Variants in NPAS3 observed in about 807,000 individuals in gnomAD.
NPAS3 encodes the protein neuronal PAS domain protein 3.
NPAS3 carries 14 observed loss-of-function variants against 73.1 expected under a neutral mutation model. That is an observed-to-expected ratio of 0.19 (90% CI 0.13 to 0.30). The LOEUF is 0.30. Ranked by LOEUF, NPAS3 falls within the 10% of genes least tolerant of loss-of-function variation. NPAS3 has a pLI of 1.00. For synonymous variants in NPAS3, 620 were observed against 541.5 expected, an observed-to-expected ratio of 1.14 and a Z score of -2.01; for missense variants, 1,096 against 1,250.0, an observed-to-expected ratio of 0.88 and a Z score of 1.86.
chr14:33,652,826 A>G (rs1011306141), intron 5 of NPAS3, among the ~76,000 whole-genome samples: 2 of 152,160 alleles, frequency 1.3e-5, no homozygotes, highest in Admixed American at 6.5e-5. Flanking sequence ...CCATTTATAG[A>G]TTTAGATGCA....
intron 2 of NPAS3, among the ~76,000 whole-genome samples, chr14:33,173,505 T>C (rs899041915): frequency 6.6e-6 from 1 of 152,078 alleles, no homozygotes; most frequent in East Asian, 1.9e-4. Context: ...GTTTATTTTT[T>C]AAAAAAAACT....
chr14:33,120,375 A>T (rs2043194828), intron 2 of NPAS3, among the ~76,000 whole-genome samples: 1 of 152,140 alleles, frequency 6.6e-6, no homozygotes, highest in African/African-American at 2.4e-5. Flanking sequence ...TGCTTACAAG[A>T]TGGATACTCT....
intron 5 of NPAS3, among the ~76,000 whole-genome samples, chr14:33,602,419 GCTT>G (rs1385903898): frequency 6.6e-6 from 1 of 152,166 alleles, no homozygotes; most frequent in Non-Finnish European, 1.5e-5. Flanking sequence ...AAGTCTGAGT[GCTT>G]CTGTGCACTG....
In NPAS3 at chr14:32,979,584, C is replaced by G. The variant is rs193145855; in HGVS notation, c.50+40218C>G. 3.2e-4 allele frequency among the ~76,000 whole-genome samples: 48 copies of G among 152,184 alleles called. 1 individual carries two copies. The highest frequency in any genetic ancestry group is 2.9e-3 in the Admixed American group (44 of 15,276). On this transcript the variant is annotated intron_variant, in intron 1 of 11. Coordinates refer to ENST00000356141, the Ensembl canonical transcript of NPAS3. ...CAAACTCTAAGTCCATTTAAAAGGG[C>G]CATACACATATGTGGGCCATGATTG...
At chr14:33,161,123 G>A (rs1447550591) in intron 2 of NPAS3, among the ~76,000 whole-genome samples, 10 of 152,044 alleles carry the variant, frequency 6.6e-5, no homozygotes, top group African/African-American at 2.4e-4. Flanking sequence ...GAAAGCATGG[G>A]GATATTAAGT....
chr14:33,354,951 A>G (rs531463150), intron 3 of NPAS3, among the ~76,000 whole-genome samples: 1 of 152,278 alleles, frequency 6.6e-6, no homozygotes, highest in East Asian at 1.9e-4. Flanking sequence ...ACCGTGCCTC[A>G]GGTGATATAG....
intron 2 of NPAS3, among the ~76,000 whole-genome samples, chr14:33,102,733 A>C (rs2042612991): frequency 6.6e-6 from 1 of 152,176 alleles, no homozygotes; most frequent in African/African-American, 2.4e-5. Flanking sequence ...GAAGACACTG[A>C]CTATGTGAAC....
chr14:32,979,743 G>A (rs956766740), intron 1 of NPAS3, among the ~76,000 whole-genome samples: 2 of 152,008 alleles, frequency 1.3e-5, no homozygotes, highest in Non-Finnish European at 2.9e-5. Context: ...CTTTGGTTTT[G>A]AAATTTTCAC....
chr14:33,800,788 C>A lies in NPAS3; in HGVS notation c.2481C>A (p.Gly827=). ...CCGCGCAGAGGGTCTACACCACGGG[C>A]ACCATCCGCTACGCGCCCGCCGAGG... Residue 827 remains glycine (G), a synonymous_variant, in exon 12 of 12, where the codon GGC becomes GGA. Coordinates refer to ENST00000356141, the Ensembl canonical transcript of NPAS3. The surrounding 1 kb of genome is among the most constrained non-coding windows in gnomAD (Gnocchi z 6.5). 1 of 1,584,962 alleles carries A rather than the reference C, an allele frequency of 6.3e-7. No individual in the cohort carries two copies. The highest frequency in any genetic ancestry group is 2.3e-5 in the East Asian group (1 of 43,418).
intron 5 of NPAS3, among the ~76,000 whole-genome samples, chr14:33,609,517 A>G (rs147656928): frequency 6.6e-6 from 1 of 151,168 alleles, no homozygotes; most frequent in Non-Finnish European, 1.5e-5. Context: ...TCATAAAGGT[A>G]ACCAGATTTT....
chr14:33,027,772 C>A (rs17099940), intron 1 of NPAS3, among the ~76,000 whole-genome samples: 7,876 of 152,136 alleles, frequency 0.052, 243 homozygotes, highest in Non-Finnish European at 0.061. Flanking sequence ...AGTAGATCTC[C>A]CAGAAGCAAT....
At chr14:33,704,258 ATGTG>A (rs1301866498) in intron 6 of NPAS3, among the ~76,000 whole-genome samples, 1 of 152,150 alleles carries the variant, frequency 6.6e-6, no homozygotes, top group Non-Finnish European at 1.5e-5. Flanking sequence ...ATAAATTATA[ATGTG>A]TGTGTACATA....
At chr14:33,741,833 G>T (rs965691860) in intron 7 of NPAS3, among the ~76,000 whole-genome samples, 1 of 152,160 alleles carries the variant, frequency 6.6e-6, no homozygotes, top group East Asian at 1.9e-4. Context: ...GCAGGTAGGG[G>T]AGGTAACAGC....
At chr14:33,357,250 G>C (rs1264165356) in intron 3 of NPAS3, among the ~76,000 whole-genome samples, 1 of 152,164 alleles carries the variant, frequency 6.6e-6, no homozygotes, top group Non-Finnish European at 1.5e-5. Context: ...ATCTCATCAA[G>C]TTATGTCTGA....
At chr14:33,575,532 T>C (rs575076020) in intron 5 of NPAS3, among the ~76,000 whole-genome samples, 1 of 152,290 alleles carries the variant, frequency 6.6e-6, no homozygotes, top group East Asian at 1.9e-4. Context: ...TCTGCCTCAT[T>C]TGTGTCTTTG....
chr14:33,308,942 A>C (rs2042893565), intron 3 of NPAS3, among the ~76,000 whole-genome samples: 1 of 152,180 alleles, frequency 6.6e-6, no homozygotes, highest in Admixed American at 6.5e-5. Flanking sequence ...AGTGCTAGGA[A>C]CTGTGACGTA....
chr14:33,675,919 A>G (rs1304579049), intron 5 of NPAS3, among the ~76,000 whole-genome samples: 1 of 152,164 alleles, frequency 6.6e-6, no homozygotes, highest in African/African-American at 2.4e-5. Flanking sequence ...ACAGCTGAAT[A>G]CAAGGCAGAC....
chr14:33,520,718 C>A (rs999313854), intron 4 of NPAS3, among the ~76,000 whole-genome samples: 1 of 152,014 alleles, frequency 6.6e-6, no homozygotes, highest in Non-Finnish European at 1.5e-5. Flanking sequence ...ATAATTTATC[C>A]GTTTTCATTT....
chr14:33,164,346 A>T (rs1171886958), intron 2 of NPAS3, among the ~76,000 whole-genome samples: 1 of 152,218 alleles, frequency 6.6e-6, no homozygotes, highest in Non-Finnish European at 1.5e-5. Context: ...TGGAATTGAG[A>T]ACTTAAGTGT....
Sources: gnomAD v4.1 joint callset for allele counts (sites outside exome capture counted in the v4.1 genomes callset) on GRCh38, gnomAD v4.1.1 for gene constraint, Gnocchi (gnomAD v3.1) non-coding constraint, MANE v1.5 for transcripts, NCBI Gene and HGNC (gene_info 2026-07-23, HGNC 2026-07-21) for gene names.